The following TNPO3 variants were observed in gnomAD, a reference collection of about 807,000 sequenced individuals.
TNPO3 encodes transportin-3.
A neutral mutation model predicts 122.8 loss-of-function variants in TNPO3; 65 were observed. That is an observed-to-expected ratio of 0.53 (90% confidence interval 0.43 to 0.65). TNPO3 has a LOEUF of 0.65. TNPO3 is among the 30% of genes least tolerant of loss of function. The pLI is 0.00. For synonymous variants in TNPO3, 372 were observed against 411.2 expected, an observed-to-expected ratio of 0.90 and a Z score of 1.15; for missense variants, 850 against 1,136.7, an observed-to-expected ratio of 0.75 and a Z score of 3.63.
rs114241632 is a variant in TNPO3, at chr7:128,958,798, G to T, written c.2712-1483C>A. Among the ~76,000 whole-genome samples, 1,100 of 152,284 alleles carry T rather than the reference G, an allele frequency of 7.2e-3. 20 individuals carry two copies. The highest frequency in any genetic ancestry group is 0.025 in the African/African-American group (1,036 of 41,550). On this transcript the variant is annotated intron_variant, in intron 21 of 22. Transcript: ENST00000265388. ...AATAAGGCAGGTGGCCAGGCACAGT[G>T]GCTCATGCTTGTAATCCCAACACAG...
intron 11 of TNPO3, among the ~76,000 whole-genome samples, chr7:128,989,133 TAGAA>T (rs1158208994): frequency 6.6e-6 from 1 of 152,056 alleles, no homozygotes; most frequent in Non-Finnish European, 1.5e-5. Flanking sequence ...ACGTTGAACT[TAGAA>T]AGCAGCTCAG....
intron 14 of TNPO3, 33 bp from the exon 15 acceptor site, chr7:128,980,064 A>T (rs199881404): frequency 6.3e-7 from 1 of 1,599,750 alleles, no homozygotes; most frequent in Non-Finnish European, 8.6e-7. Context: ...AATAGTGAAC[A>T]AAGACCAATT....
chr7:129,000,551 G>T lies in TNPO3; in HGVS notation c.889C>A (p.Arg297Ser). 1 of 1,613,596 alleles carries T rather than the reference G, an allele frequency of 6.2e-7. No individual in the cohort carries two copies. The highest frequency in any genetic ancestry group is 8.5e-7 in the Non-Finnish European group (1 of 1,179,772). ...GTTTCACATAGTTCAGTGAAAATAC[G>T]GCAGTAATTCAGAACTCTGTAGAAG... ...EDLDKVLNYC[R>S]IFTELCETFL... Residue 297 changes from arginine to serine, a missense_variant, in exon 7 of 23, where the codon CGT (arginine) becomes AGT (serine). Coordinates refer to ENST00000265388, the MANE Select transcript of TNPO3 (RefSeq NM_012470.4).
rs557683341 is a variant in TNPO3 at position 128,980,253 on chromosome 7, C to A, written c.1860-222G>T. Among the ~76,000 whole-genome samples, 6 of 152,344 alleles carry A rather than the reference C, an allele frequency of 3.9e-5. No individual in the cohort carries two copies. The South Asian group carries it at 6.2e-4, about 16-fold the overall frequency. Reference sequence around the variant, plus strand: ...TTCCAATAGAACACGCAAATTCAATCCAACTTTGGGTAGATGGGCTGTGAG... The same window carrying A: ...TTCCAATAGAACACGCAAATTCAATACAACTTTGGGTAGATGGGCTGTGAG... On this transcript the variant is annotated intron_variant, in intron 14 of 22. Transcript: ENST00000265388.
At chr7:129,011,879 A>G (rs894688394) in intron 4 of TNPO3, among the ~76,000 whole-genome samples, 1 of 152,154 alleles carries the variant, frequency 6.6e-6, no homozygotes, top group African/African-American at 2.4e-5. Flanking sequence ...GTTTGAGTGA[A>G]ATTTGCTGTA....
chr7:129,027,355 G>GT (rs1805313485), intron 1 of TNPO3, among the ~76,000 whole-genome samples: 1 of 151,868 alleles, frequency 6.6e-6, no homozygotes, highest in Non-Finnish European at 1.5e-5. Context: ...GAGATCAGGA[G>GT]TTTGAGACTA....
rs1329212787 is a variant in TNPO3 at position 128,962,813 on chromosome 7, G to T, written c.2711+4467C>A. 1.1e-4 allele frequency among the ~76,000 whole-genome samples: 16 copies of T among 150,630 alleles called. No individual in the cohort carries two copies. In the South Asian group the frequency reaches 3.3e-3, roughly 31 times the overall value. The stretch of plus-strand genomic sequence containing the variant: ...CCATATCACAGGACAAAGATAACAG[G>T]TTTTTTTTTTCCCCCACAGCACTGC... On this transcript the variant is annotated intron_variant, in intron 21 of 22. Transcript: ENST00000265388.
At chr7:129,041,276 T>C (rs1807349981) in intron 1 of TNPO3, among the ~76,000 whole-genome samples, 1 of 152,174 alleles carries the variant, frequency 6.6e-6, no homozygotes, top group Admixed American at 6.5e-5. Flanking sequence ...GCAGGAGGAT[T>C]GGTTGAGCCC....
intron 1 of TNPO3, among the ~76,000 whole-genome samples, chr7:129,054,398 G>A (rs1285819545): frequency 6.6e-6 from 1 of 152,200 alleles, no homozygotes; most frequent in Non-Finnish European, 1.5e-5. Flanking sequence ...TTAGATTGAT[G>A]CCACAATCGA....
In TNPO3 at chr7:128,970,207, G is replaced by C. The variant is rs774723247; in HGVS notation, c.2539C>G (p.Pro847Ala). The C allele has an allele frequency of 3.7e-6, 6 of 1,614,078 alleles. No individual in the cohort carries two copies. Among genetic ancestry groups the C allele is most frequent in the Admixed American group, 1.7e-5 (1 of 60,002 alleles). ...LLHTCCFCLP[P>A]YTLPDVAEVL... is the part of the protein sequence containing the mutation. ...TCAGCCACATCTGGTAGGGTATAGGGGGGGAGGCAAAAGCAGCAGGTGTGC... is the reference window on the plus strand; with the variant it reads ...TCAGCCACATCTGGTAGGGTATAGGCGGGGAGGCAAAAGCAGCAGGTGTGC... The change falls in exon 20 of 23, where the codon CCC becomes GCC. Residue 847 changes from proline (P) to alanine (A), a missense_variant. Transcript: ENST00000265388.
intron 1 of TNPO3, chr7:129,041,845 G>A (rs1807414593): frequency 1.8e-6 from 1 of 566,754 alleles, no homozygotes; most frequent in South Asian, 7.8e-5. Flanking sequence ...ATGAATATGA[G>A]GCAGGCTATG....
At chr7:128,976,030 GCTT>G in intron 16 of TNPO3, 95 bp from the exon 17 acceptor site, 1 of 856,622 alleles carries the variant, frequency 1.2e-6, no homozygotes. Flanking sequence ...AGATAGATTG[GCTT>G]CTTCTCTTTA....
At chr7:129,006,654 G>A (rs538262026) in intron 4 of TNPO3, among the ~76,000 whole-genome samples, 1 of 152,286 alleles carries the variant, frequency 6.6e-6, no homozygotes, top group African/African-American at 2.4e-5. Context: ...ATCCCATAAT[G>A]TATTATTAAA....
intron 21 of TNPO3, among the ~76,000 whole-genome samples, chr7:128,959,539 T>C (rs1797230927): frequency 6.6e-6 from 1 of 152,024 alleles, no homozygotes; most frequent in Non-Finnish European, 1.5e-5. Flanking sequence ...TTGTGGCACA[T>C]GAGAAAAAGT....
chr7:129,023,909 C>G (rs1804810956), intron 1 of TNPO3, among the ~76,000 whole-genome samples: 1 of 152,174 alleles, frequency 6.6e-6, no homozygotes, highest in Non-Finnish European at 1.5e-5. Flanking sequence ...AGAATATTAA[C>G]ACTTCACAAC....
Position 128,954,644 on chromosome 7 carries a change from TC to T in TNPO3, c.*772del, listed in dbSNP as rs1272995150. The T allele has an allele frequency of 7.0e-6, 1 of 143,820 alleles. No individual in the cohort carries two copies. The highest frequency in any genetic ancestry group is 1.5e-5 in the Non-Finnish European group (1 of 67,302). The allele number at this position is 143,820 out of a possible 1,614,324, so 8.9% of individuals were successfully genotyped here. ...AATGAACGGGGTCAGGGTTCAGATA[TC>T]CATAAATTCTGACCCTGGCAGGTCC... is the stretch of plus-strand genomic sequence containing the variant. On this transcript the variant is annotated 3_prime_UTR_variant, in exon 23 of 23. Transcript: ENST00000265388.
intron 4 of TNPO3, among the ~76,000 whole-genome samples, chr7:129,005,782 C>CTTTTT (rs1186834521): frequency 6.9e-4 from 91 of 132,218 alleles, no homozygotes; most frequent in East Asian, 8.6e-4. Context: ...CTTTTCTTTT[C>CTTTTT]TTTTTTTTTT....
At chr7:129,009,179 T>C (rs543917063) in intron 4 of TNPO3, among the ~76,000 whole-genome samples, 2 of 152,166 alleles carry the variant, frequency 1.3e-5, no homozygotes, top group Non-Finnish European at 2.9e-5. Flanking sequence ...AAATAGAAAG[T>C]GAAGAGACAA....
intron 1 of TNPO3, among the ~76,000 whole-genome samples, chr7:129,034,894 C>CAAAAA (rs1219082555): frequency 3.9e-4 from 19 of 48,292 alleles, no homozygotes; most frequent in Non-Finnish European, 6.3e-4. Flanking sequence ...GACTCTGTCT[C>CAAAAA]AAAAAAAAAA....
Sources: gnomAD v4.1 joint callset for allele counts (sites outside exome capture counted in the v4.1 genomes callset) on GRCh38, gnomAD v4.1.1 for gene constraint, MANE v1.5 for transcripts, NCBI Gene and HGNC (gene_info 2026-07-23, HGNC 2026-07-21) for gene names.